CACNA1E: variants seen among roughly 807,000 people sequenced by gnomAD.
CACNA1E encodes the protein calcium voltage-gated channel subunit alpha1 E, also known as voltage-dependent R-type calcium channel subunit alpha-1E.
A neutral mutation model predicts 259.2 loss-of-function variants in CACNA1E; 40 were observed. That is an observed-to-expected ratio of 0.15 (90% CI 0.12 to 0.20). CACNA1E has a LOEUF of 0.20. Among genes scored for constraint, CACNA1E ranks in the 10% least tolerant of loss-of-function variants. The pLI is 1.00. For synonymous variants in CACNA1E, 1,104 were observed against 1,138.5 expected (o/e 0.97, Z 0.61); for missense variants, 1,874 against 3,040.1 (o/e 0.62, Z 9.02).
chr1:181,580,484 G>A, intron 5 of CACNA1E, 111 bp from the exon 6 acceptor site: 1 of 1,007,486 alleles, frequency 9.9e-7, no homozygotes, highest in Non-Finnish European at 1.6e-6. Flanking sequence ...AAAAAGGGCA[G>A]GCCTCTTTCC....
chr1:181,398,188 G>C (rs1017661191), intron 1 of CACNA1E, among the ~76,000 whole-genome samples: 2 of 152,224 alleles, frequency 1.3e-5, no homozygotes, highest in African/African-American at 4.8e-5. Flanking sequence ...TGCCTTGGCT[G>C]AGAGGAGGGG....
chr1:181,322,952 C>T (rs778484632), intron 1 of CACNA1E, among the ~76,000 whole-genome samples: 20 of 152,148 alleles, frequency 1.3e-4, no homozygotes, highest in African/African-American at 2.2e-4. Flanking sequence ...GGCACAACTG[C>T]GTATGGCACG....
At chr1:181,477,580 A>AT (rs776337983) in intron 2 of CACNA1E, among the ~76,000 whole-genome samples, 95 of 150,966 alleles carry the variant, frequency 6.3e-4, no homozygotes, top group African/African-American at 2.1e-3. Context: ...GGTCTCTACT[A>AT]TTTTTTTTTC....
intron 1 of CACNA1E, among the ~76,000 whole-genome samples, chr1:181,484,910 G>T (rs1663650274): frequency 6.6e-6 from 1 of 152,196 alleles, no homozygotes; most frequent in Non-Finnish European, 1.5e-5. Flanking sequence ...CATCTCTGAT[G>T]GTGGTGGTGT....
At chr1:181,560,235 TA>T (rs1649179160) in intron 3 of CACNA1E, among the ~76,000 whole-genome samples, 1 of 151,584 alleles carries the variant, frequency 6.6e-6, no homozygotes, top group South Asian at 2.1e-4. Context: ...CTTTTTTTTT[TA>T]AGTTTTTTTT....
At chr1:181,579,772 G>T (rs1387015020) in intron 5 of CACNA1E, among the ~76,000 whole-genome samples, 1 of 152,216 alleles carries the variant, frequency 6.6e-6, no homozygotes, top group Non-Finnish European at 1.5e-5. Flanking sequence ...CCACAGGCTG[G>T]TGAGATCTAG....
rs190151876 is a variant in CACNA1E at position 181,530,028 on chromosome 1, A to G, written c.512+18518A>G. Among the ~76,000 whole-genome samples the G allele has an allele frequency of 3.9e-5, 6 of 152,282 alleles. No homozygotes were observed. The East Asian group carries it at 1.2e-3, about 29-fold the overall frequency. On this transcript the variant is annotated intron_variant, in intron 3 of 47. Transcript: ENST00000367573. ...ATGGTTTGGCTGTGTCCCCACCCAA[A>G]TCTCAACTTCAGTTGTATCTCCCAT...
intron 7 of CACNA1E, among the ~76,000 whole-genome samples, chr1:181,681,794 G>C (rs1030929683): frequency 2.6e-5 from 4 of 152,162 alleles, no homozygotes; most frequent in African/African-American, 9.7e-5. Flanking sequence ...GGGAGATAAT[G>C]ATACCTACCT....
At chr1:181,441,240 C>T (rs776538214) in intron 2 of CACNA1E, among the ~76,000 whole-genome samples, 39 of 152,122 alleles carry the variant, frequency 2.6e-4, no homozygotes, top group African/African-American at 8.9e-4. Context: ...CTCCAGTTCC[C>T]GGGTTCAAGC....
intron 35 of CACNA1E, 49 bp from the exon 36 acceptor site, chr1:181,771,244 T>C: frequency 9.4e-7 from 1 of 1,059,336 alleles, no homozygotes; most frequent in Middle Eastern, 2.0e-4. Flanking sequence ...GCTGGACACA[T>C]CACACAGCTT....
chr1:181,755,135 C>A, intron 27 of CACNA1E, 102 bp from the exon 28 acceptor site: 1 of 854,896 alleles, frequency 1.2e-6, no homozygotes. Flanking sequence ...GGGACAACTT[C>A]TTGGTGGGGC....
intron 43 of CACNA1E, 122 bp from the exon 44 acceptor site, chr1:181,790,323 C>T: frequency 2.0e-6 from 1 of 503,910 alleles, no homozygotes; most frequent in Non-Finnish European, 3.6e-6. Context: ...CAGGACTAGC[C>T]ACATGTAAGT....
chr1:181,441,882 A>T (rs2102298785), intron 2 of CACNA1E, among the ~76,000 whole-genome samples: 1 of 152,282 alleles, frequency 6.6e-6, no homozygotes, highest in South Asian at 2.1e-4. Flanking sequence ...CTGTTTTGAG[A>T]ATGTGAAGCA....
intron 39 of CACNA1E, among the ~76,000 whole-genome samples, chr1:181,782,374 C>T (rs763932806): frequency 6.6e-6 from 1 of 152,196 alleles, no homozygotes; most frequent in African/African-American, 2.4e-5. Context: ...TGTTTTGCCA[C>T]CCATTAGTAA....
intron 2 of CACNA1E, among the ~76,000 whole-genome samples, chr1:181,466,918 T>C (rs644796): frequency 0.55 from 84,164 of 152,122 alleles, 24,582 homozygotes; most frequent in African/African-American, 0.75. Context: ...ACACACAGTC[T>C]TCTAAGACTT....
chr1:181,380,410 G>A (rs777610805), intron 1 of CACNA1E, among the ~76,000 whole-genome samples: 17 of 152,016 alleles, frequency 1.1e-4, no homozygotes, highest in Non-Finnish European at 2.1e-4. Flanking sequence ...AAATAATAAA[G>A]ATCAAAGCTA....
intron 1 of CACNA1E, among the ~76,000 whole-genome samples, chr1:181,398,630 C>T (rs550363835): frequency 2.2e-4 from 33 of 152,296 alleles, no homozygotes; most frequent in African/African-American, 7.2e-4. Flanking sequence ...GCAGGGTGTG[C>T]GGAGTGCCCT....
intron 45 of CACNA1E, among the ~76,000 whole-genome samples, chr1:181,794,500 T>G (rs1479569757): frequency 6.6e-6 from 1 of 152,116 alleles, no homozygotes; most frequent in African/African-American, 2.4e-5. Context: ...TCTTAGACAA[T>G]TGCCCTCACA....
intron 6 of CACNA1E, among the ~76,000 whole-genome samples, chr1:181,638,793 G>T (rs1444840164): frequency 6.6e-6 from 1 of 152,136 alleles, no homozygotes. Context: ...ATAAGTGTTT[G>T]GTAGTTCCTC....
Sources: allele counts gnomAD v4.1 joint callset (sites outside exome capture counted in the v4.1 genomes callset), GRCh38; gene constraint gnomAD v4.1.1; transcripts MANE v1.5; gene names NCBI Gene and HGNC (gene_info 2026-07-23, HGNC 2026-07-21).